MAP6D1: variants seen among roughly 807,000 people sequenced by gnomAD.
MAP6D1 encodes MAP6 domain-containing protein 1.
In MAP6D1, 13 loss-of-function variants were observed where a neutral mutation model predicts 17.4. The ratio of observed to expected loss-of-function variants is 0.75; its 90% CI spans 0.49 to 1.19. The LOEUF is 1.19. MAP6D1 is among the 50% of genes most tolerant of loss of function. The pLI is 0.00. For missense variants in MAP6D1, 313 were observed against 312.6 expected, an observed-to-expected ratio of 1.00 and a Z score of -0.01; for synonymous variants, 141 against 145.7, an observed-to-expected ratio of 0.97 and a Z score of 0.23.
Position 183,825,278 on chromosome 3 carries a change from T to C in MAP6D1, c.270A>G (p.Gly90=), listed in dbSNP as rs1727360566. The C allele has an allele frequency of 7.5e-7, 1 of 1,340,876 alleles. No homozygotes were observed. Among genetic ancestry groups the C allele is most frequent in the Non-Finnish European group, 9.5e-7 (1 of 1,048,318 alleles). 83.1% of individuals were successfully genotyped at this position (1,340,876 alleles called of 1,614,324 possible). Residue 90 remains glycine (G), a synonymous_variant, in exon 1 of 3, where the codon GGA becomes GGG. Transcript: ENST00000318631. ...TGCCCCTGCGGCCGCCCGCCCCCGGTCCGCGCCCCGGCGGCGGATCCTTGG... is the reference window on the plus strand; with the variant it reads ...TGCCCCTGCGGCCGCCCGCCCCCGGCCCGCGCCCCGGCGGCGGATCCTTGG... ...AGPKDPPPGR[G]PGAGGRRGKS... is the part of the protein sequence containing the mutation.
In MAP6D1 at chr3:183,825,192, G is replaced by C. The variant is rs528408351; in HGVS notation, c.356C>G (p.Pro119Arg). 12 of 1,460,416 alleles carry C rather than the reference G, an allele frequency of 8.2e-6. No homozygotes were observed. Among genetic ancestry groups the C allele is most frequent in the African/African-American group, 7.3e-5 (5 of 68,058 alleles). 90.5% of individuals were successfully genotyped at this position (1,460,416 alleles called of 1,614,324 possible). The change falls in exon 1 of 3, where the codon CCC becomes CGC. Residue 119 changes from proline (P) to arginine (R), a missense_variant. By Grantham distance (103) the Pro-to-Arg change is moderately radical. Transcript: ENST00000318631. Reference sequence around the variant, plus strand: ...TGCAGCCGCGTCCGCGTCGCCGATGGGCAGCACGTAGACCCCGCGGGCGCC... The same window carrying C: ...TGCAGCCGCGTCCGCGTCGCCGATGCGCAGCACGTAGACCCCGCGGGCGCC... ...APGARGVYVL[P>R]IGDADAAAAV...
Position 183,825,466 on chromosome 3 carries a change from GC to G in MAP6D1, c.81del (p.Leu28SerfsTer102). The G allele has an allele frequency of 7.0e-7, 1 of 1,433,216 alleles. No individual in the cohort carries two copies. The highest frequency in any genetic ancestry group is 1.4e-5 in the South Asian group (1 of 72,266). The allele number at this position is 1,433,216 out of a possible 1,614,324, so 88.8% of individuals were successfully genotyped here. ...NQLDRSDVAVPLTLHGYSDLD... is the reference protein window; with the variant it reads ...NQLDRSDVAVXLTLHGYSDLD... Reference sequence around the variant, plus strand: ...AGGTCCGAGTAGCCGTGCAGAGTGAGCGGCACCGCCACGTCGGAGCGGTCCA... The same window carrying G: ...AGGTCCGAGTAGCCGTGCAGAGTGAGGGCACCGCCACGTCGGAGCGGTCCA... On this transcript the variant is annotated frameshift_variant, in exon 1 of 3. Transcript: ENST00000318631. LOFTEE classifies it high-confidence loss of function.
rs1271011666 is a variant in MAP6D1, at chr3:183,825,440, G to T, written c.108C>A (p.Leu36=). ...CGCCCGTGCCCGGCTCCTCGCTGTC[G>T]AGGTCCGAGTAGCCGTGCAGAGTGA... ...VPLTLHGYSD[L]DSEEPGTGGA... is the part of the protein sequence containing the mutation. The change falls in exon 1 of 3, where the codon CTC becomes CTA. Residue 36 remains leucine, a synonymous_variant. Coordinates refer to ENST00000318631, the MANE Select transcript of MAP6D1 (RefSeq NM_024871.4). The T allele has an allele frequency of 6.9e-7, 1 of 1,440,804 alleles. No individual in the cohort carries two copies. Among genetic ancestry groups the T allele is most frequent in the Non-Finnish European group, 9.1e-7 (1 of 1,102,574 alleles). 89.3% of individuals were successfully genotyped at this position (1,440,804 alleles called of 1,614,324 possible). A position where few individuals can be genotyped will look rare whatever the true frequency, so the allele number is the denominator to read the frequency against.
In MAP6D1 at chr3:183,825,544, C is replaced by G. The variant is rs1412451282; in HGVS notation, c.4G>C (p.Ala2Pro). 2.0e-5 allele frequency: 24 copies of G among 1,230,624 alleles called. No individual in the cohort carries two copies. The highest frequency in any genetic ancestry group is 2.1e-5 in the Non-Finnish European group (21 of 987,492). The allele number at this position is 1,230,624 out of a possible 1,614,324, so 76.2% of individuals were successfully genotyped here. A position where few individuals can be genotyped will look rare whatever the true frequency, so the allele number is the denominator to read the frequency against. The part of the protein sequence containing the change: M[A>P]WPCISRLCCL... Reference sequence around the variant, plus strand: ...CACAGGCGGCTGATACAGGGCCACGCCATGCCAGCCCCGGCGCCCGCCGCC... The same window carrying G: ...CACAGGCGGCTGATACAGGGCCACGGCATGCCAGCCCCGGCGCCCGCCGCC... The change falls in exon 1 of 3, where the codon GCG (alanine) becomes CCG (proline). Residue 2 changes from alanine (A) to proline (P), a missense_variant. Coordinates refer to ENST00000318631, the MANE Select transcript of MAP6D1 (RefSeq NM_024871.4).
Position 183,825,244 on chromosome 3 carries a change from C to A in MAP6D1, c.304G>T (p.Ala102Ser). The A allele has an allele frequency of 7.2e-7, 1 of 1,382,560 alleles. No individual in the cohort carries two copies. The highest frequency in any genetic ancestry group is 9.4e-7 in the Non-Finnish European group (1 of 1,068,798). 85.6% of individuals were successfully genotyped at this position (1,382,560 alleles called of 1,614,324 possible). A position where few individuals can be genotyped will look rare whatever the true frequency, so the allele number is the denominator to read the frequency against. ...GAGGRRGKSS[A>S]QSSAPPAPGA... ...GGCGCAGGTGGCGCGGAGGACTGCG[C>A]GGAGGATTTGCCCCTGCGGCCGCCC... The change falls in exon 1 of 3, where the codon GCG (alanine) becomes TCG (serine). Residue 102 changes from alanine (A) to serine (S), a missense_variant. Physicochemically the swap from Ala to Ser is moderately conservative, Grantham distance 99. Transcript: ENST00000318631.
At chr3:183,819,420 G>A (rs1008968157) in intron 1 of MAP6D1, among the ~76,000 whole-genome samples, 10 of 152,218 alleles carry the variant, frequency 6.6e-5, no homozygotes, top group Admixed American at 3.9e-4. Flanking sequence ...TGAGCCTTGG[G>A]CCTGGCATCC....
At chr3:183,819,520 G>A (rs1053969110) in intron 1 of MAP6D1, among the ~76,000 whole-genome samples, 2 of 152,378 alleles carry the variant, frequency 1.3e-5, no homozygotes, top group Admixed American at 6.5e-5. Context: ...GCCGCCAGAG[G>A]AGGAACCCGG....
At chr3:183,818,507 C>T (rs948106913) in intron 1 of MAP6D1, among the ~76,000 whole-genome samples, 9 of 152,176 alleles carry the variant, frequency 5.9e-5, no homozygotes, top group Admixed American at 2.0e-4. Flanking sequence ...ACGAGCAGCC[C>T]CGGTGCTATA....
Position 183,825,260 on chromosome 3 carries a change from G to GCGGC in MAP6D1, c.284_287dup (p.Arg97ProfsTer89). 1.5e-6 allele frequency: 2 copies of GCGGC among 1,348,830 alleles called. No individual in the cohort carries two copies. Among genetic ancestry groups the GCGGC allele is most frequent in the East Asian group, 3.1e-5 (1 of 32,240 alleles). The allele number at this position is 1,348,830 out of a possible 1,614,324, so 83.6% of individuals were successfully genotyped here. On this transcript the variant is annotated frameshift_variant, in exon 1 of 3. Coordinates refer to ENST00000318631, the MANE Select transcript of MAP6D1 (RefSeq NM_024871.4). LOFTEE classifies it high-confidence loss of function. ...AGGACTGCGCGGAGGATTTGCCCCT[G>GCGGC]CGGCCGCCCGCCCCCGGTCCGCGCC...
chr3:183,824,838 G>A (rs1275456792), intron 1 of MAP6D1, among the ~76,000 whole-genome samples: 2 of 152,206 alleles, frequency 1.3e-5, no homozygotes, highest in Non-Finnish European at 2.9e-5. Context: ...AGGGAGGCCG[G>A]TTCCAACTCG....
In MAP6D1 at chr3:183,818,100, T is replaced by C. The variant is rs375663308; in HGVS notation, c.413A>G (p.Gln138Arg). ...AVTTSYRQEF[Q>R]AWTGVKPSRS... is the part of the protein sequence containing the mutation. ...TGAGGGCTTCACTCCAGTCCAAGCCTGGAATTCCTGTCTGGAACAGAGAAC... is the reference window on the plus strand; with the variant it reads ...TGAGGGCTTCACTCCAGTCCAAGCCCGGAATTCCTGTCTGGAACAGAGAAC... Residue 138 changes from glutamine to arginine, a missense_variant, in exon 2 of 3, where the codon CAG becomes CGG. Transcript: ENST00000318631. 17 of 1,613,860 alleles carry C rather than the reference T, an allele frequency of 1.1e-5. No individual in the cohort carries two copies. In the African/African-American group the frequency reaches 2.1e-4, roughly 20 times the overall value.
At chr3:183,824,011 C>T (rs969481850) in intron 1 of MAP6D1, among the ~76,000 whole-genome samples, 6 of 152,214 alleles carry the variant, frequency 3.9e-5, no homozygotes, top group Admixed American at 1.3e-4. Flanking sequence ...AAATAGCCTA[C>T]GTGCTGCTGG....
chr3:183,821,957 G>A (rs938431357), intron 1 of MAP6D1, among the ~76,000 whole-genome samples: 5 of 151,884 alleles, frequency 3.3e-5, no homozygotes, highest in South Asian at 2.1e-4. Context: ...CACTGCGACC[G>A]GCCTCTTTTT....
At chr3:183,822,022 CT>C (rs1210717274) in intron 1 of MAP6D1, among the ~76,000 whole-genome samples, 1 of 152,020 alleles carries the variant, frequency 6.6e-6, no homozygotes, top group African/African-American at 2.4e-5. Context: ...ACAGCTAAAT[CT>C]TTGTTCATAT....
intron 1 of MAP6D1, among the ~76,000 whole-genome samples, chr3:183,824,592 A>T (rs919680208): frequency 1.3e-5 from 2 of 152,232 alleles, no homozygotes; most frequent in African/African-American, 4.8e-5. Context: ...AGAGGAAAAA[A>T]GGGAGAAAGC....
chr3:183,817,864 G>A (rs1469918557), intron 2 of MAP6D1, 130 bp downstream of exon 2: 17 of 773,392 alleles, frequency 2.2e-5, no homozygotes, highest in South Asian at 8.3e-5. Flanking sequence ...GTTTTTGTTC[G>A]GGACATCTGG....
intron 1 of MAP6D1, among the ~76,000 whole-genome samples, chr3:183,819,160 C>G (rs1441813402): frequency 6.6e-6 from 1 of 152,256 alleles, no homozygotes; most frequent in Non-Finnish European, 1.5e-5. Context: ...AGCTGCCTTT[C>G]TCCTTGGCAG....
At position 183,825,151 on chromosome 3, in the gene MAP6D1, A is replaced by G; in HGVS notation, c.397T>C (p.Tyr133His). Residue 133 changes from tyrosine to histidine, a missense_variant, in exon 1 of 3, where the codon TAC becomes CAC. Transcript: ENST00000318631. ...ADAAAAVTTS[Y>H]RQEFQAWTGV... ...CGGTCCCTACCCAGCCCATACCTGT[A>G]CGACGTGGTCACTGCTGCAGCCGCG... 1 of 1,450,604 alleles carries G rather than the reference A, an allele frequency of 6.9e-7. No individual in the cohort carries two copies. Among genetic ancestry groups the G allele is most frequent in the South Asian group, 1.4e-5 (1 of 71,024 alleles). 89.9% of individuals were successfully genotyped at this position (1,450,604 alleles called of 1,614,324 possible).
Position 183,817,218 on chromosome 3 carries a change from C to T in MAP6D1, c.*138G>A, listed in dbSNP as rs1011010175. 6 of 826,610 alleles carry T rather than the reference C, an allele frequency of 7.3e-6. No homozygotes were observed. The highest frequency in any genetic ancestry group is 1.2e-5 in the Non-Finnish European group (6 of 511,622). The allele number at this position is 826,610 out of a possible 1,614,324, so 51.2% of individuals were successfully genotyped here. ...ATCTGCTCCACACCAGCACTTTGGC[C>T]CTGGTGACAGCTTTGAGAGGGGCTG... On this transcript the variant is annotated 3_prime_UTR_variant, in exon 3 of 3. Coordinates refer to ENST00000318631, the MANE Select transcript of MAP6D1 (RefSeq NM_024871.4).
Sources: allele counts gnomAD v4.1 joint callset (sites outside exome capture counted in the v4.1 genomes callset), GRCh38; gene constraint gnomAD v4.1.1; transcripts MANE v1.5; gene names NCBI Gene and HGNC (gene_info 2026-07-23, HGNC 2026-07-21).